The following EPHX1 variants were observed in gnomAD, a reference collection of about 807,000 sequenced individuals.
EPHX1 encodes the protein epoxide hydrolase 1.
Under a neutral mutation model 43.2 loss-of-function variants are expected in EPHX1, and 40 were observed. The ratio of observed to expected loss-of-function variants is 0.93; its 90% CI spans 0.72 to 1.21. EPHX1 has a LOEUF of 1.21. EPHX1 is among the 50% of genes most tolerant of loss of function. The pLI is 0.00. For synonymous variants in EPHX1, 221 were observed against 226.7 expected, an observed-to-expected ratio of 0.98 and a Z score of 0.22; for missense variants, 550 against 570.4, an observed-to-expected ratio of 0.96 and a Z score of 0.36.
rs1055693110 is a variant in EPHX1 at position 225,842,498 on chromosome 1, A to G, written c.1040+24A>G. On this transcript the variant is annotated intron_variant, in intron 7 of 8. Coordinates refer to ENST00000272167, the MANE Select transcript of EPHX1 (RefSeq NM_001136018.4). Reference sequence around the variant, plus strand: ...AGGTGAGGCCCTGGTTTGCCCCTGCAGTCATGACCCTGGTCCCAGCAGCCA... The same window carrying G: ...AGGTGAGGCCCTGGTTTGCCCCTGCGGTCATGACCCTGGTCCCAGCAGCCA... The G allele has an allele frequency of 5.2e-6, 8 of 1,544,218 alleles. No homozygotes were observed. The Middle Eastern group carries it at 5.1e-4, about 98-fold the overall frequency.
At chr1:225,844,996 G>A (rs1215076615) in intron 8 of EPHX1, 150 bp from the exon 9 acceptor site, 6 of 867,338 alleles carry the variant, frequency 6.9e-6, no homozygotes, top group Non-Finnish European at 1.1e-5. Flanking sequence ...TGAGGGGAGA[G>A]CGGTTGAGAC....
chr1:225,813,891 C>CT (rs1420985989), intron 1 of EPHX1, among the ~76,000 whole-genome samples: 3 of 152,192 alleles, frequency 2.0e-5, no homozygotes, highest in African/African-American at 7.2e-5. Context: ...GGAAAGTGTT[C>CT]TTTTCTCTGA....
intron 8 of EPHX1, 95 bp downstream of exon 8, chr1:225,844,718 A>G (rs1668783176): frequency 1.1e-5 from 18 of 1,567,540 alleles, no homozygotes; most frequent in Non-Finnish European, 1.5e-5. Context: ...GTGGTGGGAT[A>G]AGTATAGCCT....
chr1:225,825,489 A>T (rs1286057022), intron 1 of EPHX1: 4 of 152,228 alleles, frequency 2.6e-5, no homozygotes, highest in Non-Finnish European at 4.4e-5. Context: ...GGAAAGTTGC[A>T]CATTTATATC....
chr1:225,818,172 A>G (rs1261180684), intron 1 of EPHX1, among the ~76,000 whole-genome samples: 1 of 152,184 alleles, frequency 6.6e-6, no homozygotes, highest in Non-Finnish European at 1.5e-5. Flanking sequence ...ATTATTCCTC[A>G]AGGGGAATTC....
At chr1:225,819,077 A>G in intron 1 of EPHX1, among the ~76,000 whole-genome samples, 1 of 8,294 alleles carries the variant, frequency 1.2e-4, no homozygotes, top group Non-Finnish European at 3.2e-4. Flanking sequence ...AATACAAAAA[A>G]TTAGCCGGGC....
At chr1:225,829,579 G>A (rs778828791) in intron 2 of EPHX1, among the ~76,000 whole-genome samples, 33 of 152,120 alleles carry the variant, frequency 2.2e-4, no homozygotes, top group Non-Finnish European at 3.1e-4. Flanking sequence ...TCTCGGGGAG[G>A]AGCAAGGCTT....
chr1:225,845,355 C>T lies in EPHX1; in HGVS notation c.*8C>T, dbSNP rs1439794851. The T allele has an allele frequency of 6.3e-7, 1 of 1,589,834 alleles. No homozygotes were observed. The highest frequency in any genetic ancestry group is 2.3e-5 in the East Asian group (1 of 44,244). On this transcript the variant is annotated 3_prime_UTR_variant, in exon 9 of 9. Transcript: ENST00000272167. ...GTGCTGGAGCGGCAATGACCCACCC[C>T]TCTCCCCCCGCCTGCCACCTCCCCC...
chr1:225,830,464 T>C (rs554120463), intron 2 of EPHX1, among the ~76,000 whole-genome samples: 1 of 152,302 alleles, frequency 6.6e-6, no homozygotes, highest in African/African-American at 2.4e-5. Flanking sequence ...TCTCCTGGTC[T>C]GTAAATTTTT....
At chr1:225,828,935 G>A (rs767154182) in intron 2 of EPHX1, 23 bp downstream of exon 2, 46 of 1,554,700 alleles carry the variant, frequency 3.0e-5, no homozygotes, top group East Asian at 4.8e-5. Flanking sequence ...GGGCCGGGCC[G>A]GGCTGGGCAG....
Position 225,838,811 on chromosome 1 carries a change from T to C in EPHX1, c.522T>C (p.Asp174=), listed in dbSNP as rs1480006692. The C allele has an allele frequency of 2.5e-6, 4 of 1,614,184 alleles. No homozygotes were observed. Among genetic ancestry groups the C allele is most frequent in the Non-Finnish European group, 3.4e-6 (4 of 1,180,028 alleles). Reference sequence around the variant, plus strand: ...ACCCCAAGAACCATGGCCTGAGCGATGAGCACGTTTTTGAAGTCATCTGCC... The same window carrying C: ...ACCCCAAGAACCATGGCCTGAGCGACGAGCACGTTTTTGAAGTCATCTGCC... ...LTDPKNHGLS[D]EHVFEVICPS... The change falls in exon 4 of 9, where the codon GAT becomes GAC. Residue 174 remains aspartate, a synonymous_variant. Transcript: ENST00000272167.
chr1:225,830,326 G>T (rs4149222), intron 2 of EPHX1, among the ~76,000 whole-genome samples: 16,269 of 152,190 alleles, frequency 0.11, 1,123 homozygotes, highest in East Asian at 0.19. Flanking sequence ...TCTGTTTGGG[G>T]GTAACTGAAA....
At chr1:225,839,021 C>T in intron 4 of EPHX1, 140 bp downstream of exon 4, 4 of 1,315,906 alleles carry the variant, frequency 3.0e-6, no homozygotes, top group Non-Finnish European at 3.2e-6. Context: ...GAGAGGCCGG[C>T]CCCAGACACA....
Position 225,839,848 on chromosome 1 carries a change from T to A in EPHX1, c.742T>A (p.Leu248Met). 6.2e-7 allele frequency: 1 copy of A among 1,614,024 alleles called. No homozygotes were observed. Among genetic ancestry groups the A allele is most frequent in the Non-Finnish European group, 8.5e-7 (1 of 1,179,974 alleles). Reference sequence around the variant, plus strand: ...CTTCAGCCACGTGAAAGGCCTGCACTTGAACATGGCTTTGGTTTTAAGCAA... The same window carrying A: ...CTTCAGCCACGTGAAAGGCCTGCACATGAACATGGCTTTGGTTTTAAGCAA... ...LVPSHVKGLH[L>M]NMALVLSNFS... is the part of the protein sequence containing the mutation. Residue 248 changes from leucine (L) to methionine (M), a missense_variant, in exon 6 of 9, where the codon TTG (leucine) becomes ATG (methionine). Physicochemically the swap from Leu to Met is conservative, Grantham distance 15. Coordinates refer to ENST00000272167, the MANE Select transcript of EPHX1 (RefSeq NM_001136018.4).
At chr1:225,836,524 GGAGGTT>G (rs1212706742) in intron 3 of EPHX1, among the ~76,000 whole-genome samples, 1 of 152,192 alleles carries the variant, frequency 6.6e-6, no homozygotes, top group African/African-American at 2.4e-5. Flanking sequence ...CTTGAGCCTG[GGAGGTT>G]GAGGCTGCAG....
intron 6 of EPHX1, among the ~76,000 whole-genome samples, chr1:225,841,573 C>T (rs904452484): frequency 1.2e-4 from 17 of 143,846 alleles, no homozygotes; most frequent in East Asian, 4.3e-4. Flanking sequence ...TGTGAGCCAC[C>T]GCACCCAGCC....
intron 1 of EPHX1, 47 bp downstream of exon 1, chr1:225,810,216 C>G (rs1041163630): frequency 2.0e-5 from 3 of 151,326 alleles, no homozygotes; most frequent in Admixed American, 6.6e-5. Flanking sequence ...GACGCAGACG[C>G]GGTTCGGGCT....
chr1:225,826,804 A>T (rs1195291138), intron 1 of EPHX1, among the ~76,000 whole-genome samples: 1 of 151,604 alleles, frequency 6.6e-6, no homozygotes, highest in Non-Finnish European at 1.5e-5. Context: ...GGTCCAGGGG[A>T]GGGGGCGAGG....
chr1:225,814,588 G>C (rs568294639), intron 1 of EPHX1, among the ~76,000 whole-genome samples: 2 of 152,172 alleles, frequency 1.3e-5, no homozygotes, highest in African/African-American at 4.8e-5. Flanking sequence ...AGCCTGGACT[G>C]TGACTCTTGA....
Sources: allele counts gnomAD v4.1 joint callset (sites outside exome capture counted in the v4.1 genomes callset), GRCh38; gene constraint gnomAD v4.1.1; transcripts MANE v1.5; gene names NCBI Gene and HGNC (gene_info 2026-07-23, HGNC 2026-07-21).